ABCC11: variants seen among roughly 807,000 people sequenced by gnomAD.
ABCC11 encodes the protein ATP-binding cassette sub-family C member 11.
A neutral mutation model predicts 149.3 loss-of-function variants in ABCC11; 135 were observed. The observed-to-expected ratio is 0.90, with a 90% CI of 0.79 to 1.04. The LOEUF (loss-of-function observed/expected upper bound fraction) is 1.04. Ranked by LOEUF, ABCC11 falls within the 50% of genes least tolerant of loss-of-function variation. ABCC11 has a pLI of 0.00. For synonymous variants in ABCC11, 665 were observed against 671.4 expected (o/e 0.99, Z 0.15); for missense variants, 1,680 against 1,722.1 (o/e 0.98, Z 0.43).
At chr16:48,198,386 C>A in intron 15 of ABCC11, 111 bp from the exon 16 acceptor site, 1 of 1,183,390 alleles carries the variant, frequency 8.5e-7, no homozygotes, top group Non-Finnish European at 1.2e-6. Context: ...TATTTCATAC[C>A]AACAGATGAG....
chr16:48,224,501 C>T, intron 4 of ABCC11, 72 bp from the exon 5 acceptor site: 1 of 1,543,506 alleles, frequency 6.5e-7, no homozygotes, highest in Non-Finnish European at 8.8e-7. Context: ...TTCTTGCTAG[C>T]CAGGAGCTTT....
chr16:48,213,381 G>T (rs1283456401), intron 10 of ABCC11, 62 bp downstream of exon 10: 2 of 1,440,382 alleles, frequency 1.4e-6, no homozygotes, highest in South Asian at 1.2e-5. Context: ...GGAACATCAT[G>T]GGGGCTGAAG....
intron 6 of ABCC11, among the ~76,000 whole-genome samples, chr16:48,219,710 G>A (rs765585323): frequency 2.6e-5 from 4 of 152,194 alleles, no homozygotes; most frequent in Non-Finnish European, 4.4e-5. Context: ...GCTGGGAGCT[G>A]TGGCTCATGC....
Position 48,175,384 on chromosome 16 carries a change from A to C in ABCC11, c.3572T>G (p.Leu1191Arg), listed in dbSNP as rs766447136. Residue 1191 changes from leucine to arginine, a missense_variant, in exon 26 of 30, where the codon CTG becomes CGG. Physicochemically the swap from Leu to Arg is moderately radical, Grantham distance 102. Coordinates refer to ENST00000356608, the MANE Select transcript of ABCC11 (RefSeq NM_001370497.1). ...KSSLGMALFRLVEPMAGRILI... is the reference protein window; with the variant it reads ...KSSLGMALFRRVEPMAGRILI... ...AATCCGGCCTGCCATGGGCTCCACC[A>C]GGCGGAAGAGAGCCATGCCCAAGGA... The C allele has an allele frequency of 6.2e-6, 10 of 1,613,072 alleles. No homozygotes were observed. The East Asian group carries it at 2.2e-4, about 36-fold the overall frequency.
chr16:48,196,173 C>T (rs1967387933), intron 18 of ABCC11, 59 bp downstream of exon 18: 1 of 1,564,100 alleles, frequency 6.4e-7, no homozygotes, highest in Non-Finnish European at 8.8e-7. Context: ...CCAATCTGAC[C>T]CAGTTCCAGG....
intron 17 of ABCC11, among the ~76,000 whole-genome samples, chr16:48,197,322 A>G (rs539909137): frequency 6.7e-6 from 1 of 149,216 alleles, no homozygotes; most frequent in African/African-American, 2.5e-5. Flanking sequence ...AACTCTGTCT[A>G]AAAAAAAAAG....
intron 6 of ABCC11, among the ~76,000 whole-genome samples, chr16:48,217,955 C>A (rs1040447967): frequency 2.6e-5 from 4 of 152,116 alleles, no homozygotes; most frequent in Non-Finnish European, 4.4e-5. Context: ...CTGCTTACAC[C>A]AGCCAAATGC....
chr16:48,196,046 C>T (rs1007806520), intron 18 of ABCC11, among the ~76,000 whole-genome samples, 186 bp downstream of exon 18: 1 of 152,110 alleles, frequency 6.6e-6, no homozygotes, highest in Non-Finnish European at 1.5e-5. Context: ...AATATAACTT[C>T]CAACCTTGGC....
chr16:48,187,563 G>T, intron 20 of ABCC11, 136 bp from the exon 21 acceptor site: 1 of 712,674 alleles, frequency 1.4e-6, no homozygotes, highest in South Asian at 1.8e-5. Context: ...GTAGAGCAAT[G>T]ATTTAAAAGC....
chr16:48,243,535 G>C (rs1296101769), intron 1 of ABCC11, among the ~76,000 whole-genome samples: 1 of 152,042 alleles, frequency 6.6e-6, no homozygotes, highest in African/African-American at 2.4e-5. Context: ...ATCCAATGAA[G>C]GACATTAGTG....
In ABCC11 at chr16:48,197,838, G is replaced by C. The variant is rs565685624; in HGVS notation, c.2314+133C>G. 2.1e-3 allele frequency: 1,948 copies of C among 924,170 alleles called. 2 individuals carry two copies. Among genetic ancestry groups the C allele is most frequent in the Non-Finnish European group, 2.9e-3 (1,749 of 611,744 alleles). 57.2% of individuals were successfully genotyped at this position (924,170 alleles called of 1,614,324 possible). A position where few individuals can be genotyped will look rare whatever the true frequency, so the allele number is the denominator to read the frequency against. On this transcript the variant is annotated intron_variant, in intron 17 of 29. Transcript: ENST00000356608. ...CCTCAACTACTTGGTTCTGGAACCT[G>C]TGTATGTAAATGCTTAGGGTCTCAA... is the stretch of plus-strand genomic sequence containing the variant.
At chr16:48,187,150 G>A (rs377303801) in intron 21 of ABCC11, 51 bp downstream of exon 21, 2 of 1,613,408 alleles carry the variant, frequency 1.2e-6, no homozygotes, top group East Asian at 4.5e-5. Flanking sequence ...ATCTAGTCTG[G>A]GTTGGTCCCA....
At chr16:48,241,556 T>C (rs1318285568) in intron 1 of ABCC11, among the ~76,000 whole-genome samples, 2 of 152,240 alleles carry the variant, frequency 1.3e-5, no homozygotes, top group South Asian at 2.1e-4. Context: ...TTAAAGCTCA[T>C]ATAGAACCAA....
Position 48,222,686 on chromosome 16 carries a change from G to C in ABCC11, c.689C>G (p.Thr230Arg). 6.2e-7 allele frequency: 1 copy of C among 1,614,204 alleles called. No individual in the cohort carries two copies. The highest frequency in any genetic ancestry group is 8.5e-7 in the Non-Finnish European group (1 of 1,180,046). Residue 230 changes from threonine (T) to arginine (R), a missense_variant, in exon 6 of 30, where the codon ACA (threonine) becomes AGA (arginine). Thr to Arg is a moderately conservative substitution (Grantham distance 71, BLOSUM62 -1). Transcript: ENST00000356608. ...AACAGCTGCTCGGAACCTGATGGCT[G>C]TGCGTTGGTTGATGATCCAACTGGA... is the stretch of plus-strand genomic sequence containing the variant. ...FSSSWIINQR[T>R]AIRFRAAVSS...
intron 23 of ABCC11, among the ~76,000 whole-genome samples, chr16:48,183,082 A>G (rs527980059): frequency 6.6e-6 from 1 of 152,358 alleles, no homozygotes; most frequent in East Asian, 1.9e-4. Flanking sequence ...TAGAGCATTT[A>G]AGTAACTTGG....
chr16:48,221,854 G>C (rs2150894361), intron 6 of ABCC11, among the ~76,000 whole-genome samples: 1 of 152,060 alleles, frequency 6.6e-6, no homozygotes, highest in Non-Finnish European at 1.5e-5. Flanking sequence ...CGATCCTCCT[G>C]CATTAGCCTC....
At chr16:48,213,630 C>T (rs989699561) in intron 9 of ABCC11, 80 bp from the exon 10 acceptor site, 36 of 1,081,724 alleles carry the variant, frequency 3.3e-5, no homozygotes, top group Non-Finnish European at 4.5e-5. Flanking sequence ...ATCCCTGAGC[C>T]ACATCCTCAG....
intron 9 of ABCC11, 68 bp downstream of exon 9, chr16:48,214,813 C>T: frequency 1.3e-6 from 2 of 1,593,960 alleles, no homozygotes; most frequent in Non-Finnish European, 1.7e-6. Flanking sequence ...AGGGGCATGG[C>T]TAAAAAAGGA....
intron 1 of ABCC11, among the ~76,000 whole-genome samples, chr16:48,237,669 T>G (rs1970752985): frequency 6.6e-6 from 1 of 152,320 alleles, no homozygotes; most frequent in South Asian, 2.1e-4. Flanking sequence ...CCCAAACTCC[T>G]TACCAGAGCC....
Sources: allele counts gnomAD v4.1 joint callset (sites outside exome capture counted in the v4.1 genomes callset), GRCh38; gene constraint gnomAD v4.1.1; transcripts MANE v1.5; gene names NCBI Gene and HGNC (gene_info 2026-07-23, HGNC 2026-07-21).